Variants in FIGNL2 observed in about 807,000 individuals in gnomAD.
The protein encoded by FIGNL2 is fidgetin like 2, also known as fidgetin-like protein 2.
For synonymous variants in FIGNL2, 565 were observed against 484.0 expected (o/e 1.17, Z -2.20); for missense variants, 1,060 against 950.2 (o/e 1.12, Z -1.52).
chr12:51,847,570 C>G (rs1939778384), intron 1 of FIGNL2: 6 of 985,290 alleles, frequency 6.1e-6, no homozygotes, highest in African/African-American at 5.2e-5. Flanking sequence ...CCCACCCACC[C>G]GTCCACCCAC....
At chr12:51,836,255 G>A (rs1459710082) in intron 1 of FIGNL2, among the ~76,000 whole-genome samples, 1 of 152,156 alleles carries the variant, frequency 6.6e-6, no homozygotes, top group Admixed American at 6.5e-5. Context: ...GGAGAGGAGG[G>A]ACAGGCGGAG....
At chr12:51,836,819 G>T (rs545396860) in intron 1 of FIGNL2, among the ~76,000 whole-genome samples, 3 of 152,218 alleles carry the variant, frequency 2.0e-5, no homozygotes, top group Admixed American at 6.5e-5. Context: ...CTAGATGAAG[G>T]TCCTTTGTCT....
At chr12:51,837,007 C>G (rs945625814) in intron 1 of FIGNL2, among the ~76,000 whole-genome samples, 4 of 152,118 alleles carry the variant, frequency 2.6e-5, no homozygotes, top group Non-Finnish European at 5.9e-5. Flanking sequence ...GTCCGGTGGC[C>G]CCCAGGGAGT....
rs1939171723 is a variant in FIGNL2 at position 51,821,094 on chromosome 12, C to T, written c.1320G>A (p.Leu440=). The change falls in exon 2 of 2, where the codon CTG becomes CTA. Residue 440 remains leucine, a synonymous_variant. Coordinates refer to ENST00000618634, the MANE Select transcript of FIGNL2 (RefSeq NM_001384995.1). ...GCTGCGTGGCGAGGCAGCGGCCCAG[C>T]AGCGCTTTGCCCGCGCCCCGCGGCC... ...LFGPRGAGKA[L]LGRCLATQLG... 11 of 1,362,568 alleles carry T rather than the reference C, an allele frequency of 8.1e-6. No homozygotes were observed. The highest frequency in any genetic ancestry group is 1.0e-5 in the Non-Finnish European group (11 of 1,067,720). 84.4% of individuals were successfully genotyped at this position (1,362,568 alleles called of 1,614,324 possible). A position where few individuals can be genotyped will look rare whatever the true frequency, so the allele number is the denominator to read the frequency against.
In FIGNL2 at chr12:51,834,109, T is replaced by TTGGATGGATGGA. The variant is rs75418518; in HGVS notation, c.-11-11697_-11-11686dup. 9.7e-4 allele frequency among the ~76,000 whole-genome samples: 130 copies of TTGGATGGATGGA among 134,004 alleles called. 7 individuals are homozygous for TTGGATGGATGGA. The highest frequency in any genetic ancestry group is 2.0e-3 in the African/African-American group (75 of 36,834). The allele number at this position is 134,004 out of a possible 152,430, so 87.9% of individuals were successfully genotyped here. A position where few individuals can be genotyped will look rare whatever the true frequency, so the allele number is the denominator to read the frequency against. ...GACAGACGGATGGGTGGATGGATGG[T>TTGGATGGATGGA]TGGATGGATGGATGGATGGATGGAT... On this transcript the variant is annotated intron_variant, in intron 1 of 1. Transcript: ENST00000618634.
At chr12:51,845,143 A>G (rs1257099677) in intron 1 of FIGNL2, among the ~76,000 whole-genome samples, 3 of 152,200 alleles carry the variant, frequency 2.0e-5, no homozygotes, top group African/African-American at 7.2e-5. Flanking sequence ...AAATCAAAAA[A>G]AGTTATGGAT....
chr12:51,833,621 G>T (rs1404844599), intron 1 of FIGNL2, among the ~76,000 whole-genome samples: 1 of 149,484 alleles, frequency 6.7e-6, no homozygotes, highest in East Asian at 1.9e-4. Flanking sequence ...CTCCCGCCAC[G>T]CTGCTTTCCA....
intron 1 of FIGNL2, among the ~76,000 whole-genome samples, chr12:51,831,405 C>G (rs1190629572): frequency 2.0e-5 from 3 of 152,104 alleles, no homozygotes; most frequent in Admixed American, 1.3e-4. Context: ...ACCCACTCCC[C>G]ACAGCACCCC....
At position 51,821,605 on chromosome 12, in the gene FIGNL2, G is replaced by A. The variant is rs1428490008; in HGVS notation, c.809C>T (p.Ala270Val). 31 of 1,502,852 alleles carry A rather than the reference G, an allele frequency of 2.1e-5. No individual in the cohort carries two copies. The highest frequency in any genetic ancestry group is 2.5e-5 in the Non-Finnish European group (28 of 1,131,902). The allele number at this position is 1,502,852 out of a possible 1,614,324, so 93.1% of individuals were successfully genotyped here. Reference sequence around the variant, plus strand: ...GTAGCGGCCCTCGGGCCCCTCGTCGGCGGCCTTGCGCTTCAGCGACAGCCC... The same window carrying A: ...GTAGCGGCCCTCGGGCCCCTCGTCGACGGCCTTGCGCTTCAGCGACAGCCC... ...ESGLSLKRKA[A>V]DEGPEGRYRK... is the part of the protein sequence containing the mutation. The change falls in exon 2 of 2, where the codon GCC (alanine) becomes GTC (valine). Residue 270 changes from alanine (A) to valine (V), a missense_variant. Physicochemically the swap from Ala to Val is moderately conservative, Grantham distance 64. Coordinates refer to ENST00000618634, the MANE Select transcript of FIGNL2 (RefSeq NM_001384995.1).
chr12:51,821,418 G>T lies in FIGNL2; in HGVS notation c.996C>A (p.Val332=), dbSNP rs1158673584. ...GCGGGCCGTAGACGGGGGAGCCCAG[G>T]ACCTTGAGGGGGACGCCGCCACCGT... is the stretch of plus-strand genomic sequence containing the variant. The part of the protein sequence containing the change: ...GKYGGGVPLK[V]LGSPVYGPQL... The change falls in exon 2 of 2, where the codon GTC becomes GTA. Residue 332 remains valine (V), a synonymous_variant. Coordinates refer to ENST00000618634, the MANE Select transcript of FIGNL2 (RefSeq NM_001384995.1). 6 of 1,537,296 alleles carry T rather than the reference G, an allele frequency of 3.9e-6. No individual in the cohort carries two copies. The South Asian group carries it at 7.2e-5, about 19-fold the overall frequency.
At chr12:51,829,571 G>A (rs1264521376) in intron 1 of FIGNL2, among the ~76,000 whole-genome samples, 1 of 152,210 alleles carries the variant, frequency 6.6e-6, no homozygotes. Flanking sequence ...CACATGTTTA[G>A]GGATGAGCTA....
At chr12:51,834,368 A>C (rs549952307) in intron 1 of FIGNL2, among the ~76,000 whole-genome samples, 8 of 152,264 alleles carry the variant, frequency 5.3e-5, no homozygotes, top group Non-Finnish European at 1.0e-4. Context: ...GAGACTCCAC[A>C]GGGCCTCTTT....
chr12:51,822,184 C>A lies in FIGNL2; in HGVS notation c.230G>T (p.Arg77Leu), dbSNP rs757183433. The A allele has an allele frequency of 6.2e-7, 1 of 1,611,662 alleles. No individual in the cohort carries two copies. The change falls in exon 2 of 2, where the codon CGT (arginine) becomes CTT (leucine). Residue 77 changes from arginine (R) to leucine (L), a missense_variant. By Grantham distance (102) the Arg-to-Leu change is moderately radical. Transcript: ENST00000618634. Reference sequence around the variant, plus strand: ...GTCGCTGTACCCGCCCAGGGCCGGACGCTCGTAGGGAGAATCCAAGACCCC... The same window carrying A: ...GTCGCTGTACCCGCCCAGGGCCGGAAGCTCGTAGGGAGAATCCAAGACCCC... ...YSGVLDSPYE[R>L]PALGGYSDAS...
intron 1 of FIGNL2, among the ~76,000 whole-genome samples, chr12:51,825,152 A>G (rs150068848): frequency 0.011 from 1,669 of 151,228 alleles, 16 homozygotes; most frequent in South Asian, 0.037. Flanking sequence ...TTGTTTCCTT[A>G]CTTAATATGG....
chr12:51,834,328 G>T lies in FIGNL2; in HGVS notation c.-11-11904C>A, dbSNP rs370630986. On this transcript the variant is annotated intron_variant, in intron 1 of 1. Transcript: ENST00000618634. ...TGTGAACACCAGAGGAAAGTGTCCAGCCCCCAAAGGCACCTATCTCAGCCC... is the reference window on the plus strand; with the variant it reads ...TGTGAACACCAGAGGAAAGTGTCCATCCCCCAAAGGCACCTATCTCAGCCC... 3.3e-5 allele frequency among the ~76,000 whole-genome samples: 5 copies of T among 152,218 alleles called. No individual in the cohort carries two copies. In the East Asian group the frequency reaches 9.7e-4, roughly 29 times the overall value.
In FIGNL2 at chr12:51,847,339, A is replaced by G. The variant is rs1353943798; in HGVS notation, c.-12+1201T>C. The G allele has an allele frequency of 5.1e-6, 5 of 985,466 alleles. No homozygotes were observed. In the African/African-American group the frequency reaches 5.2e-5, roughly 10 times the overall value. The allele number at this position is 985,466 out of a possible 1,614,324, so 61.0% of individuals were successfully genotyped here. ...AGGCCCCACGGCCCAGGAACCGGGA[A>G]GCCCACCTGCGCCGTAAGCCCAGAG... On this transcript the variant is annotated intron_variant, in intron 1 of 1. Coordinates refer to ENST00000618634, the MANE Select transcript of FIGNL2 (RefSeq NM_001384995.1).
Position 51,848,679 on chromosome 12 carries a change from T to A in FIGNL2, c.-151A>T. On this transcript the variant is annotated 5_prime_UTR_variant, in exon 1 of 2. Coordinates refer to ENST00000618634, the MANE Select transcript of FIGNL2 (RefSeq NM_001384995.1). ...GCGCTCACCATCCTGGAGCCGCTGC[T>A]GCTGCGGCTGCTGCGGCCGCCGCGG... 3.1e-6 allele frequency: 1 copy of A among 318,826 alleles called. No homozygotes were observed. The highest frequency in any genetic ancestry group is 4.5e-6 in the Non-Finnish European group (1 of 220,636). The allele number at this position is 318,826 out of a possible 1,614,324, so 19.7% of individuals were successfully genotyped here.
chr12:51,834,945 G>A (rs551333326), intron 1 of FIGNL2, among the ~76,000 whole-genome samples: 2 of 152,240 alleles, frequency 1.3e-5, no homozygotes, highest in African/African-American at 2.4e-5. Context: ...AGACTCAAGT[G>A]TGGAAAGAGA....
intron 1 of FIGNL2, chr12:51,847,544 A>G (rs1474571089): frequency 1.0e-6 from 1 of 985,268 alleles, no homozygotes; most frequent in African/African-American, 1.7e-5. Context: ...TGATTTAGTG[A>G]CCGTCCCTTT....
Sources: allele counts gnomAD v4.1 joint callset (sites outside exome capture counted in the v4.1 genomes callset), GRCh38; gene constraint gnomAD v4.1.1; transcripts MANE v1.5; gene names NCBI Gene and HGNC (gene_info 2026-07-23, HGNC 2026-07-21).